Variants in DCAF7 observed in about 807,000 individuals in gnomAD.
DCAF7 encodes DDB1- and CUL4-associated factor 7.
Under a neutral mutation model 41.2 loss-of-function variants are expected in DCAF7, and 4 were observed. The ratio of observed to expected loss-of-function variants is 0.10; its 90% CI spans 0.05 to 0.22. The LOEUF is 0.22. Among genes scored for constraint, DCAF7 ranks in the 10% least tolerant of loss-of-function variants. The pLI is 1.00. For missense variants in DCAF7, 131 were observed against 443.2 expected, an observed-to-expected ratio of 0.30 and a Z score of 6.32; for synonymous variants, 143 against 164.2, an observed-to-expected ratio of 0.87 and a Z score of 0.99.
rs72028555 is a variant in DCAF7 at position 63,562,822 on chromosome 17, C to CT, written c.138+12021dup. On this transcript the variant is annotated intron_variant, in intron 1 of 6. Coordinates refer to ENST00000614556, the MANE Select transcript of DCAF7 (RefSeq NM_005828.5). ...AACCAAACACCGCAGAAAATATTTT[C>CT]TTTTTTTTTTTTTTCTTTTGAGACA... Among the ~76,000 whole-genome samples, 1,385 of 141,518 alleles carry CT rather than the reference C, an allele frequency of 9.8e-3. 10 individuals are homozygous for CT. The highest frequency in any genetic ancestry group is 0.016 in the Non-Finnish European group (1,039 of 65,052). 92.8% of individuals were successfully genotyped at this position (141,518 alleles called of 152,430 possible).
intron 1 of DCAF7, among the ~76,000 whole-genome samples, chr17:63,551,360 C>T (rs2033253188): frequency 7.2e-6 from 1 of 138,798 alleles, no homozygotes; most frequent in Non-Finnish European, 1.5e-5. Context: ...TACTGTTGCT[C>T]TTGCTTCCTG....
intron 6 of DCAF7, among the ~76,000 whole-genome samples, chr17:63,586,381 G>A (rs2033676940): frequency 6.6e-6 from 1 of 152,038 alleles, no homozygotes; most frequent in South Asian, 2.1e-4. Flanking sequence ...CTTGAGCCCA[G>A]GAGTTTGAGG....
intron 1 of DCAF7, among the ~76,000 whole-genome samples, chr17:63,551,412 C>T (rs1439438899): frequency 6.6e-6 from 1 of 151,390 alleles, no homozygotes; most frequent in Non-Finnish European, 1.5e-5. Context: ...AAATCTTGGC[C>T]TGTGGCATGA....
intron 1 of DCAF7, among the ~76,000 whole-genome samples, chr17:63,564,170 T>C (rs117808108): frequency 0.072 from 9,395 of 129,648 alleles, 423 homozygotes; most frequent in Middle Eastern, 0.13. Context: ...CACATACACA[T>C]ATATACACAC....
chr17:63,559,089 A>T (rs763770610), intron 1 of DCAF7, among the ~76,000 whole-genome samples: 30 of 151,648 alleles, frequency 2.0e-4, no homozygotes, highest in Admixed American at 1.1e-3. Context: ...GGGCAGGCAG[A>T]TCACGAGGTC....
At chr17:63,578,388 A>T in intron 1 of DCAF7, 82 bp from the exon 2 acceptor site, 2 of 1,572,698 alleles carry the variant, frequency 1.3e-6, no homozygotes, top group South Asian at 1.2e-5. Flanking sequence ...AACAAAAAAA[A>T]CCTCTGTCAC....
intron 1 of DCAF7, chr17:63,552,505 T>G (rs1360573000): frequency 6.6e-6 from 1 of 152,208 alleles, no homozygotes; most frequent in East Asian, 1.9e-4. Context: ...TTATGGCCCA[T>G]AGTGGACAGC....
At chr17:63,585,834 C>T (rs966825677) in intron 6 of DCAF7, among the ~76,000 whole-genome samples, 4 of 152,144 alleles carry the variant, frequency 2.6e-5, no homozygotes, top group East Asian at 3.9e-4. Context: ...GCTAGCACCC[C>T]TTACGGGCTG....
rs547285374 is a variant in DCAF7 at position 63,591,529 on chromosome 17, C to T, written c.*2357C>T. 1 of 152,156 alleles carries T rather than the reference C, an allele frequency of 6.6e-6. No homozygotes were observed. The highest frequency in any genetic ancestry group is 2.4e-5 in the African/African-American group (1 of 41,408). 9.4% of individuals were successfully genotyped at this position (152,156 alleles called of 1,614,324 possible). ...CGGGGACCCAGGGGGACTCCACCCC[C>T]CTAAGCAAGCACACACATACTCACA... On this transcript the variant is annotated 3_prime_UTR_variant, in exon 7 of 7. Coordinates refer to ENST00000614556, the MANE Select transcript of DCAF7 (RefSeq NM_005828.5).
At chr17:63,569,149 T>A (rs2033477547) in intron 1 of DCAF7, among the ~76,000 whole-genome samples, 1 of 152,206 alleles carries the variant, frequency 6.6e-6, no homozygotes, top group Non-Finnish European at 1.5e-5. Context: ...TGTTGGGATA[T>A]GTTTAAGTTC....
At position 63,591,591 on chromosome 17, in the gene DCAF7, T is replaced by TA. The variant is rs779508284; in HGVS notation, c.*2420dup. On this transcript the variant is annotated 3_prime_UTR_variant, in exon 7 of 7. Coordinates refer to ENST00000614556, the MANE Select transcript of DCAF7 (RefSeq NM_005828.5). ...GCTGGTCTTTGAGTCCCAGCTCTCT[T>TA]ACCCTCCCTTTACTCCACCAGCCCG... The TA allele has an allele frequency of 9.2e-5, 14 of 152,154 alleles. No homozygotes were observed. Among genetic ancestry groups the TA allele is most frequent in the Non-Finnish European group, 1.9e-4 (13 of 68,040 alleles). 9.4% of individuals were successfully genotyped at this position (152,154 alleles called of 1,614,324 possible).
chr17:63,573,102 AT>A (rs1325170386), intron 1 of DCAF7: 3 of 151,162 alleles, frequency 2.0e-5, no homozygotes, highest in African/African-American at 7.4e-5. Flanking sequence ...GAGCCTCAGA[AT>A]TTAGCCTTTC....
At position 63,559,407 on chromosome 17, in the gene DCAF7, ATGTATATATATACG is replaced by A. The variant is rs1281769680; in HGVS notation, c.138+8594_138+8607del. Among the ~76,000 whole-genome samples, 240 of 107,458 alleles carry A rather than the reference ATGTATATATATACG, an allele frequency of 2.2e-3. 2 individuals are homozygous for A. Among genetic ancestry groups the A allele is most frequent in the African/African-American group, 0.012 (230 of 19,672 alleles). The allele number at this position is 107,458 out of a possible 152,430, so 70.5% of individuals were successfully genotyped here. A position where few individuals can be genotyped will look rare whatever the true frequency, so the allele number is the denominator to read the frequency against. On this transcript the variant is annotated intron_variant, in intron 1 of 6. Coordinates refer to ENST00000614556, the MANE Select transcript of DCAF7 (RefSeq NM_005828.5). ...TATATGTATATATATATGTATATAT[ATGTATATATATACG>A]TATATATATATGTGTGTGTATATAT... is the stretch of plus-strand genomic sequence containing the variant.
intron 4 of DCAF7, among the ~76,000 whole-genome samples, chr17:63,581,154 G>C (rs536229289): frequency 9.2e-4 from 140 of 152,058 alleles, no homozygotes; most frequent in Non-Finnish European, 1.5e-3. Context: ...CTAAACCAGG[G>C]GTCAAATGAA....
At chr17:63,573,552 C>A (rs184255841) in intron 1 of DCAF7, among the ~76,000 whole-genome samples, 1 of 151,800 alleles carries the variant, frequency 6.6e-6, no homozygotes, top group Non-Finnish European at 1.5e-5. Flanking sequence ...TGGTGAAACC[C>A]CATCTCTACG....
intron 1 of DCAF7, chr17:63,552,502 C>G (rs2033268305): frequency 6.6e-6 from 1 of 152,114 alleles, no homozygotes; most frequent in Admixed American, 6.5e-5. Flanking sequence ...TCCTTATGGC[C>G]CATAGTGGAC....
intron 1 of DCAF7, among the ~76,000 whole-genome samples, chr17:63,575,783 G>A (rs59119348): frequency 0.037 from 5,629 of 152,286 alleles, 354 homozygotes; most frequent in African/African-American, 0.13. Context: ...GTTCTCCCCA[G>A]ACTGCTCAAT....
At chr17:63,587,620 A>T (rs2033691190) in intron 6 of DCAF7, among the ~76,000 whole-genome samples, 1 of 152,042 alleles carries the variant, frequency 6.6e-6, no homozygotes, top group African/African-American at 2.4e-5. Context: ...TGGGAGAGGG[A>T]TCTTGCACCT....
Position 63,587,984 on chromosome 17 carries a change from TAAAAA to T in DCAF7, c.857-1000_857-996del, listed in dbSNP as rs750564406. On this transcript the variant is annotated intron_variant, in intron 6 of 6. Transcript: ENST00000614556. ...CTGGGCAACAGAATGAGACTCCATT[TAAAAA>T]AAAAAAAAAAAAAAAGTAATATGAG... is the stretch of plus-strand genomic sequence containing the variant. Among the ~76,000 whole-genome samples, 3 of 117,158 alleles carry T rather than the reference TAAAAA, an allele frequency of 2.6e-5. No individual in the cohort carries two copies. The South Asian group carries it at 8.3e-4, about 32-fold the overall frequency. 76.9% of individuals were successfully genotyped at this position (117,158 alleles called of 152,430 possible). A position where few individuals can be genotyped will look rare whatever the true frequency, so the allele number is the denominator to read the frequency against.
Sources: gnomAD v4.1 joint callset for allele counts (sites outside exome capture counted in the v4.1 genomes callset) on GRCh38, gnomAD v4.1.1 for gene constraint, MANE v1.5 for transcripts, NCBI Gene and HGNC (gene_info 2026-07-23, HGNC 2026-07-21) for gene names.